Variants in STIM2 observed in about 807,000 individuals in gnomAD.
The protein encoded by STIM2 is stromal interaction molecule 2.
Under a neutral mutation model 85.8 loss-of-function variants are expected in STIM2, and 31 were observed. The ratio of observed to expected loss-of-function variants is 0.36; its 90% confidence interval spans 0.27 to 0.49. The LOEUF (loss-of-function observed/expected upper bound fraction) is 0.49. Ranked by LOEUF, STIM2 falls within the 20% of genes least tolerant of loss-of-function variation. STIM2 has a pLI of 0.98. For synonymous variants in STIM2, 356 were observed against 331.1 expected (o/e 1.08, Z -0.82); for missense variants, 841 against 927.6 (o/e 0.91, Z 1.21).
At chr4:26,922,724 A>G (rs1305180424) in intron 2 of STIM2, among the ~76,000 whole-genome samples, 1 of 151,964 alleles carries the variant, frequency 6.6e-6, no homozygotes, top group Non-Finnish European at 1.5e-5. Flanking sequence ...TAAAGTTACA[A>G]CCCTCTAATT....
Position 27,023,077 on chromosome 4 carries a change from G to A in STIM2, c.*81G>A. 1 of 1,395,002 alleles carries A rather than the reference G, an allele frequency of 7.2e-7. No individual in the cohort carries two copies. The highest frequency in any genetic ancestry group is 9.7e-7 in the Non-Finnish European group (1 of 1,031,134). 86.4% of individuals were successfully genotyped at this position (1,395,002 alleles called of 1,614,324 possible). A position where few individuals can be genotyped will look rare whatever the true frequency, so the allele number is the denominator to read the frequency against. On this transcript the variant is annotated 3_prime_UTR_variant, in exon 12 of 12. Coordinates refer to ENST00000467087, the MANE Select transcript of STIM2 (RefSeq NM_020860.4). ...ACCCTCCACTCCCCACCTTTTTTTTGGTTTAATTTTAGGAATGTAACTCCA... is the reference window on the plus strand; with the variant it reads ...ACCCTCCACTCCCCACCTTTTTTTTAGTTTAATTTTAGGAATGTAACTCCA...
intron 4 of STIM2, among the ~76,000 whole-genome samples, chr4:26,996,706 T>C (rs1310175697): frequency 6.6e-6 from 1 of 152,108 alleles, no homozygotes; most frequent in African/African-American, 2.4e-5. Flanking sequence ...TCAAATAAAA[T>C]ATAGTTATTT....
intron 2 of STIM2, among the ~76,000 whole-genome samples, chr4:26,954,098 A>G (rs1726154408): frequency 6.6e-6 from 1 of 152,300 alleles, no homozygotes; most frequent in Non-Finnish European, 1.5e-5. Context: ...CAGCCCCAGA[A>G]TGTGTCTATA....
At chr4:26,978,517 CT>C (rs563734540) in intron 3 of STIM2, among the ~76,000 whole-genome samples, 108 of 152,062 alleles carry the variant, frequency 7.1e-4, no homozygotes, top group African/African-American at 2.6e-3. Context: ...CCTGTGTTTC[CT>C]AGAGGCTAGT....
chr4:26,950,161 C>CA (rs1725992023), intron 2 of STIM2, among the ~76,000 whole-genome samples: 1 of 152,076 alleles, frequency 6.6e-6, no homozygotes, highest in Non-Finnish European at 1.5e-5. Flanking sequence ...GCTCTAGTAT[C>CA]AAAAAGAACC....
At chr4:27,009,028 G>T (rs913022395) in intron 10 of STIM2, 26 bp downstream of exon 10, 2 of 1,593,306 alleles carry the variant, frequency 1.3e-6, no homozygotes, top group Admixed American at 1.7e-5. Flanking sequence ...AACAAAAATT[G>T]TTGGTACAGG....
intron 2 of STIM2, among the ~76,000 whole-genome samples, chr4:26,933,276 A>G (rs1461250683): frequency 6.6e-6 from 1 of 152,144 alleles, no homozygotes; most frequent in African/African-American, 2.4e-5. Context: ...CTTAAAGGTA[A>G]ATATTAAGGG....
intron 3 of STIM2, among the ~76,000 whole-genome samples, chr4:26,974,016 C>G (rs1727081789): frequency 6.6e-6 from 1 of 151,970 alleles, no homozygotes; most frequent in Non-Finnish European, 1.5e-5. Context: ...TTTGATTTTT[C>G]TTGGTTTAAA....
intron 1 of STIM2, among the ~76,000 whole-genome samples, chr4:26,901,834 C>T (rs897126953): frequency 3.3e-5 from 5 of 152,076 alleles, no homozygotes; most frequent in Non-Finnish European, 7.4e-5. Flanking sequence ...CTTCTTATCC[C>T]TTTGAGAGAC....
At chr4:26,933,262 C>T (rs6830016) in intron 2 of STIM2, among the ~76,000 whole-genome samples, 43,668 of 151,170 alleles carry the variant, frequency 0.29, 6,293 homozygotes, top group African/African-American at 0.32. Flanking sequence ...AACATTTTAT[C>T]GTACTTAAAG....
At chr4:26,870,011 A>G (rs928371079) in intron 1 of STIM2, among the ~76,000 whole-genome samples, 1 of 152,130 alleles carries the variant, frequency 6.6e-6, no homozygotes, top group African/African-American at 2.4e-5. Context: ...TTGCGGCAAC[A>G]TGGATGAACG....
intron 3 of STIM2, among the ~76,000 whole-genome samples, chr4:26,977,852 G>A (rs777135525): frequency 1.2e-4 from 19 of 152,162 alleles, no homozygotes; most frequent in Admixed American, 7.9e-4. Flanking sequence ...AAGAAGTAGA[G>A]GAGGACCCTG....
chr4:27,007,582 G>T lies in STIM2; in HGVS notation c.1031G>T (p.Ser344Ile). 1 of 1,593,628 alleles carries T rather than the reference G, an allele frequency of 6.3e-7. No individual in the cohort carries two copies. The highest frequency in any genetic ancestry group is 1.1e-5 in the South Asian group (1 of 87,450). Residue 344 changes from serine (S) to isoleucine (I), a missense_variant, in exon 8 of 12, where the codon AGT becomes ATT. Coordinates refer to ENST00000467087, the MANE Select transcript of STIM2 (RefSeq NM_020860.4). ...GAAAAAGAATTTGAACTGAGAAGCAGTTGGTCTGTTCCAGATGCACTTCAG... is the reference window on the plus strand; with the variant it reads ...GAAAAAGAATTTGAACTGAGAAGCATTTGGTCTGTTCCAGATGCACTTCAG...
In STIM2 at chr4:26,869,093, G is replaced by A. The variant is rs13116737; in HGVS notation, c.151+7724G>A. Among the ~76,000 whole-genome samples the A allele has an allele frequency of 1.2e-3, 175 of 152,056 alleles. 1 individual carries two copies. Among genetic ancestry groups the A allele is most frequent in the African/African-American group, 3.7e-3 (153 of 41,476 alleles). On this transcript the variant is annotated intron_variant, in intron 1 of 11. Transcript: ENST00000467087. ...GCAGATCACTTGAGCCCAGGACTTC[G>A]AGACCAGTCTGGGCAACACGGTGAA...
chr4:26,939,757 A>C (rs866519141), intron 2 of STIM2, among the ~76,000 whole-genome samples: 1 of 152,128 alleles, frequency 6.6e-6, no homozygotes, highest in Non-Finnish European at 1.5e-5. Flanking sequence ...GTCTAAGGGC[A>C]TTGTTGACCA....
chr4:26,903,053 C>G (rs1723984562), intron 1 of STIM2, among the ~76,000 whole-genome samples: 1 of 152,026 alleles, frequency 6.6e-6, no homozygotes, highest in Admixed American at 6.6e-5. Context: ...GGTGACATCT[C>G]TGTATTATGG....
intron 1 of STIM2, among the ~76,000 whole-genome samples, chr4:26,902,089 C>G (rs1345540683): frequency 6.6e-6 from 1 of 151,952 alleles, no homozygotes. Flanking sequence ...AGGGTTTCAA[C>G]AGAAGTGGTG....
chr4:27,023,171 T>C lies in STIM2; in HGVS notation c.*175T>C. 1 of 631,320 alleles carries C rather than the reference T, an allele frequency of 1.6e-6. No individual in the cohort carries two copies. Among genetic ancestry groups the C allele is most frequent in the Non-Finnish European group, 2.8e-6 (1 of 358,652 alleles). The allele number at this position is 631,320 out of a possible 1,614,324, so 39.1% of individuals were successfully genotyped here. A position where few individuals can be genotyped will look rare whatever the true frequency, so the allele number is the denominator to read the frequency against. ...GGCAACTGTCTACTGTCTGCTTATT[T>C]AAGTGACTATATATAATCAATTCAT... On this transcript the variant is annotated 3_prime_UTR_variant, in exon 12 of 12. Transcript: ENST00000467087.
At chr4:26,944,827 A>G (rs76308781) in intron 2 of STIM2, among the ~76,000 whole-genome samples, 2,566 of 152,310 alleles carry the variant, frequency 0.017, 78 homozygotes, top group African/African-American at 0.059. Context: ...TCTTATGTAC[A>G]TGGATTTGTG....
Sources: gnomAD v4.1 joint callset for allele counts (sites outside exome capture counted in the v4.1 genomes callset) on GRCh38, gnomAD v4.1.1 for gene constraint, MANE v1.5 for transcripts, NCBI Gene and HGNC (gene_info 2026-07-23, HGNC 2026-07-21) for gene names.